USP47: variants seen among roughly 807,000 people sequenced by gnomAD.
USP47 encodes ubiquitin carboxyl-terminal hydrolase 47.
In USP47, 35 loss-of-function variants were observed where a neutral mutation model predicts 165.1. The observed-to-expected ratio is 0.21, with a 90% CI of 0.16 to 0.28. USP47 has a LOEUF of 0.28. Among genes scored for constraint, USP47 ranks in the 10% least tolerant of loss-of-function variants. USP47 has a pLI of 1.00. For synonymous variants in USP47, 531 were observed against 544.5 expected, an observed-to-expected ratio of 0.98 and a Z score of 0.35; for missense variants, 1,277 against 1,607.4, an observed-to-expected ratio of 0.79 and a Z score of 3.52.
chr11:11,877,876 A>G (rs1374032294), intron 1 of USP47, among the ~76,000 whole-genome samples: 1 of 148,328 alleles, frequency 6.7e-6, no homozygotes, highest in Non-Finnish European at 1.5e-5. Context: ...CGCAGATAAG[A>G]TATTTGGAAG....
intron 11 of USP47, among the ~76,000 whole-genome samples, chr11:11,926,463 T>A (rs1351607290): frequency 6.6e-6 from 1 of 152,160 alleles, no homozygotes; most frequent in Non-Finnish European, 1.5e-5. Flanking sequence ...TCCAATTTGT[T>A]GGCATATAAT....
At chr11:11,919,092 G>A (rs964307858) in intron 8 of USP47, among the ~76,000 whole-genome samples, 2 of 151,652 alleles carry the variant, frequency 1.3e-5, no homozygotes, top group Non-Finnish European at 1.5e-5. Flanking sequence ...TAGGGGATCA[G>A]ATGGGTTTAG....
At chr11:11,914,526 A>G (rs537814171) in intron 8 of USP47, among the ~76,000 whole-genome samples, 2 of 152,306 alleles carry the variant, frequency 1.3e-5, no homozygotes, top group East Asian at 3.9e-4. Flanking sequence ...TACAGTCTAC[A>G]AAAGGGACAA....
intron 5 of USP47, among the ~76,000 whole-genome samples, chr11:11,899,326 CAG>C (rs1852044521): frequency 6.6e-6 from 1 of 152,188 alleles, no homozygotes; most frequent in Non-Finnish European, 1.5e-5. Flanking sequence ...TGTAAATTTA[CAG>C]CACTGTAGAG....
intron 1 of USP47, among the ~76,000 whole-genome samples, chr11:11,868,905 T>C (rs919271339): frequency 6.6e-6 from 1 of 152,150 alleles, no homozygotes; most frequent in African/African-American, 2.4e-5. Flanking sequence ...TATGTGCTTA[T>C]TTGCATCTGT....
Position 11,958,266 on chromosome 11 carries a change from G to A in USP47, c.*2091G>A, listed in dbSNP as rs1297396504. 1.3e-5 allele frequency: 2 copies of A among 152,158 alleles called. No homozygotes were observed. Among genetic ancestry groups the A allele is most frequent in the African/African-American group, 4.8e-5 (2 of 41,434 alleles). 9.4% of individuals were successfully genotyped at this position (152,158 alleles called of 1,614,324 possible). On this transcript the variant is annotated 3_prime_UTR_variant, in exon 28 of 28. Coordinates refer to ENST00000527733, the MANE Select transcript of USP47 (RefSeq NM_001282659.2). ...GACTGTGCCTTCTGCTCTGTTCTTT[G>A]TTTTATGTTTAACTGCTGTTTCTAA...
In USP47 at chr11:11,894,450, C is replaced by G. The variant is rs572609338; in HGVS notation, c.496+2344C>G. On this transcript the variant is annotated intron_variant, in intron 4 of 27. Coordinates refer to ENST00000527733, the MANE Select transcript of USP47 (RefSeq NM_001282659.2). The stretch of plus-strand genomic sequence containing the variant: ...CCTGGGCAACAGAAGGAGACTCCAT[C>G]TCAAAAAACAAAAAAGAAAAATGTA... Among the ~76,000 whole-genome samples, 4 of 152,166 alleles carry G rather than the reference C, an allele frequency of 2.6e-5. No individual in the cohort carries two copies. The East Asian group carries it at 7.7e-4, about 29-fold the overall frequency.
intron 1 of USP47, among the ~76,000 whole-genome samples, chr11:11,872,280 A>G (rs569911670): frequency 6.6e-6 from 1 of 152,280 alleles, no homozygotes; most frequent in East Asian, 1.9e-4. Flanking sequence ...TCCTCACAGC[A>G]TGGAGGCTGG....
chr11:11,877,315 T>C (rs940361704), intron 1 of USP47, among the ~76,000 whole-genome samples: 4 of 152,288 alleles, frequency 2.6e-5, no homozygotes, highest in African/African-American at 9.6e-5. Context: ...TCAGATGAAG[T>C]CCACATGTTA....
At position 11,854,168 on chromosome 11, in the gene USP47, C is replaced by T. The variant is rs1376063225; in HGVS notation, c.39+11944C>T. 6.2e-5 allele frequency among the ~76,000 whole-genome samples: 9 copies of T among 145,648 alleles called. 1 individual carries two copies. In the Admixed American group the frequency reaches 6.2e-4, roughly 10 times the overall value. On this transcript the variant is annotated intron_variant, in intron 1 of 27. Coordinates refer to ENST00000527733, the MANE Select transcript of USP47 (RefSeq NM_001282659.2). ...AAAAAAAAAAATCCTATCCAACCAG[C>T]AAAGTCCAGCCTGAAAATTCTCCTC...
rs1426547864 is a variant in USP47 at position 11,961,519 on chromosome 11, A to C, written c.*5344A>C. ...GACCTATAGAGGCTAAAAAACAGCA[A>C]GGAAATGGACTCTCCCCAGAGCCTC... On this transcript the variant is annotated 3_prime_UTR_variant, in exon 28 of 28. Coordinates refer to ENST00000527733, the MANE Select transcript of USP47 (RefSeq NM_001282659.2). 6.6e-6 allele frequency among the ~76,000 whole-genome samples: 1 copy of C among 152,162 alleles called. No homozygotes were observed. The highest frequency in any genetic ancestry group is 1.5e-5 in the Non-Finnish European group (1 of 68,026).
intron 4 of USP47, among the ~76,000 whole-genome samples, chr11:11,895,603 TC>T (rs1851797636): frequency 6.6e-6 from 1 of 152,194 alleles, no homozygotes; most frequent in Admixed American, 6.5e-5. Flanking sequence ...ACATACTCTT[TC>T]CTGTCTCTTT....
At chr11:11,852,005 C>T (rs1374624191) in intron 1 of USP47, among the ~76,000 whole-genome samples, 1 of 152,198 alleles carries the variant, frequency 6.6e-6, no homozygotes, top group Non-Finnish European at 1.5e-5. Context: ...GGTTTCTCCA[C>T]TGTGAAGTTA....
At chr11:11,945,937 C>CT (rs1229096885) in intron 20 of USP47, among the ~76,000 whole-genome samples, 1 of 145,658 alleles carries the variant, frequency 6.9e-6, no homozygotes, top group Non-Finnish European at 1.5e-5. Context: ...CCTGTCCCCC[C>CT]CCCAAAAAAA....
chr11:11,930,855 G>A, intron 14 of USP47, 104 bp downstream of exon 14: 1 of 819,920 alleles, frequency 1.2e-6, no homozygotes, highest in Non-Finnish European at 1.9e-6. Flanking sequence ...GGATAATTAA[G>A]TTGTTTTATG....
chr11:11,948,414 G>T, intron 21 of USP47, 64 bp from the exon 22 acceptor site: 1 of 1,399,660 alleles, frequency 7.1e-7, no homozygotes, highest in Non-Finnish European at 1.0e-6. Context: ...TTTAAAAATG[G>T]GATGAGAATG....
At chr11:11,948,722 A>G in intron 22 of USP47, 164 bp downstream of exon 22, 1 of 581,116 alleles carries the variant, frequency 1.7e-6, no homozygotes, top group East Asian at 2.8e-5. Flanking sequence ...GCAGTTACTC[A>G]CTTCTGCTAT....
intron 1 of USP47, among the ~76,000 whole-genome samples, chr11:11,842,954 G>C (rs971105269): frequency 3.3e-5 from 5 of 150,738 alleles, no homozygotes; most frequent in African/African-American, 1.2e-4. Context: ...CTCTTGAATA[G>C]TAGTAGAAGA....
At chr11:11,954,986 A>G in intron 26 of USP47, 42 bp downstream of exon 26, 1 of 1,613,522 alleles carries the variant, frequency 6.2e-7, no homozygotes, top group Non-Finnish European at 8.5e-7. Context: ...TGTGCATGAT[A>G]AACACAGCTA....
Sources: allele counts gnomAD v4.1 joint callset (sites outside exome capture counted in the v4.1 genomes callset), GRCh38; gene constraint gnomAD v4.1.1; transcripts MANE v1.5; gene names NCBI Gene and HGNC (gene_info 2026-07-23, HGNC 2026-07-21).